Variants in P4HA3 observed in about 807,000 individuals in gnomAD.
P4HA3 encodes prolyl 4-hydroxylase subunit alpha-3.
P4HA3 carries 60 observed loss-of-function variants against 66.7 expected under a neutral mutation model. That is an observed-to-expected ratio of 0.90 (90% CI 0.73 to 1.12). The LOEUF is 1.12. Among genes scored for constraint, P4HA3 ranks in the 50% most tolerant of loss-of-function variants. The pLI, the probability that P4HA3 is intolerant of heterozygous loss-of-function variation, is 0.00. For missense variants in P4HA3, 683 were observed against 685.8 expected (o/e 1.00, Z 0.05); for synonymous variants, 263 against 274.6 (o/e 0.96, Z 0.42).
chr11:74,283,840 C>T (rs748217569), intron 7 of P4HA3, among the ~76,000 whole-genome samples: 1 of 152,260 alleles, frequency 6.6e-6, no homozygotes, highest in Non-Finnish European at 1.5e-5. Flanking sequence ...CTCTTCTTCA[C>T]CCAATTGCCT....
chr11:74,309,512 A>G (rs1006987039), intron 1 of P4HA3, among the ~76,000 whole-genome samples: 3 of 152,200 alleles, frequency 2.0e-5, no homozygotes, highest in Non-Finnish European at 4.4e-5. Flanking sequence ...AGCTACCCAA[A>G]GAGATTACTG....
intron 15 of P4HA3, among the ~76,000 whole-genome samples, chr11:74,252,103 CTT>C (rs60650207): frequency 2.7e-4 from 32 of 116,990 alleles, no homozygotes; most frequent in South Asian, 8.2e-4. Flanking sequence ...TGGAGCAGGG[CTT>C]TTTTTTTTTT....
intron 2 of P4HA3, among the ~76,000 whole-genome samples, chr11:74,303,231 T>C (rs1861468113): frequency 1.3e-5 from 2 of 151,786 alleles, no homozygotes; most frequent in African/African-American, 4.8e-5. Flanking sequence ...TTGAGATTAT[T>C]GGCATGAGCA....
chr11:74,267,458 G>T, intron 12 of P4HA3, 140 bp from the exon 13 acceptor site: 1 of 1,026,790 alleles, frequency 9.7e-7, no homozygotes, highest in Non-Finnish European at 1.4e-6. Context: ...GCCCAGCCTA[G>T]TCCTGGCCTC....
At chr11:74,309,493 C>T (rs1234868589) in intron 1 of P4HA3, among the ~76,000 whole-genome samples, 3 of 152,176 alleles carry the variant, frequency 2.0e-5, no homozygotes, top group African/African-American at 7.2e-5. Flanking sequence ...CCACTCCCGT[C>T]TCCATCTGAG....
chr11:74,288,133 A>G (rs1296774614), intron 5 of P4HA3, among the ~76,000 whole-genome samples: 2 of 152,242 alleles, frequency 1.3e-5, no homozygotes, highest in Non-Finnish European at 2.9e-5. Flanking sequence ...CTAAAATGTT[A>G]AGCAAATACA....
intron 8 of P4HA3, among the ~76,000 whole-genome samples, chr11:74,278,432 A>G (rs1860474282): frequency 6.6e-6 from 1 of 152,198 alleles, no homozygotes; most frequent in African/African-American, 2.4e-5. Context: ...TGAGCAGGAA[A>G]ATGATTTGGC....
chr11:74,274,779 G>C (rs375060754), intron 9 of P4HA3, among the ~76,000 whole-genome samples: 1 of 152,148 alleles, frequency 6.6e-6, no homozygotes, highest in Non-Finnish European at 1.5e-5. Flanking sequence ...TTTTTCCAAA[G>C]TGTCTGTATA....
chr11:74,270,549 T>G (rs1280649462), intron 10 of P4HA3, among the ~76,000 whole-genome samples: 1 of 152,160 alleles, frequency 6.6e-6, no homozygotes, highest in Admixed American at 6.6e-5. Flanking sequence ...TAGTGATAGT[T>G]GACATTTATT....
Position 74,311,459 on chromosome 11 carries a change from C to T in P4HA3, c.153G>A (p.Leu51=), listed in dbSNP as rs1249794378. Residue 51 remains leucine (L), a synonymous_variant, in exon 1 of 13, where the codon CTG becomes CTA. Coordinates refer to ENST00000331597, the MANE Select transcript of P4HA3 (RefSeq NM_182904.5). ...CCTCCTCCCCGCGCAGGTACCGCCT[C>T]AGCAGCCCCAGCAGCCGGCGCTCGG... The part of the protein sequence containing the change: ...LAPERRLLGL[L]RRYLRGEEAR... The T allele has an allele frequency of 7.8e-6, 12 of 1,536,620 alleles. No individual in the cohort carries two copies. Among genetic ancestry groups the T allele is most frequent in the Non-Finnish European group, 1.0e-5 (12 of 1,148,640 alleles).
At position 74,279,435 on chromosome 11, in the gene P4HA3, C is replaced by T; in HGVS notation, c.1128G>A (p.Val376=). The T allele has an allele frequency of 6.2e-7, 1 of 1,613,892 alleles. No individual in the cohort carries two copies. The highest frequency in any genetic ancestry group is 1.7e-5 in the Admixed American group (1 of 59,986). ...CTTGTAACTGCTTCTCCCCTGATGC[C>T]ACCACTGACCTCTGTAGCTGGTGGG... ...LAEPWLQRSV[V]ASGEKQLQVE... The change falls in exon 8 of 13, where the codon GTG becomes GTA. Residue 376 remains valine (V), a synonymous_variant. Transcript: ENST00000331597.
At chr11:74,273,097 T>C (rs1331812126) in intron 10 of P4HA3, among the ~76,000 whole-genome samples, 1 of 152,238 alleles carries the variant, frequency 6.6e-6, no homozygotes, top group Non-Finnish European at 1.5e-5. Context: ...TCAGTGTCTC[T>C]GTTCTTCCCT....
chr11:74,254,529 A>G (rs1257163792), intron 15 of P4HA3: 6 of 153,082 alleles, frequency 3.9e-5, no homozygotes, highest in Non-Finnish European at 7.3e-5. Flanking sequence ...AGGAAGGGGC[A>G]GTGTCCTGAA....
chr11:74,252,669 T>C, intron 15 of P4HA3: 1 of 388,062 alleles, frequency 2.6e-6, no homozygotes, highest in Non-Finnish European at 5.3e-6. Context: ...TTTACCCACC[T>C]GATAACAGTA....
chr11:74,255,714 C>T (rs1280294315), intron 15 of P4HA3, among the ~76,000 whole-genome samples: 1 of 152,202 alleles, frequency 6.6e-6, no homozygotes, highest in African/African-American at 2.4e-5. Context: ...GTCTGTGGGC[C>T]AATAGCATCA....
intron 4 of P4HA3, among the ~76,000 whole-genome samples, chr11:74,290,778 A>G (rs901112249): frequency 6.6e-6 from 1 of 151,974 alleles, no homozygotes; most frequent in Admixed American, 6.6e-5. Context: ...TATTTCTGAG[A>G]GCTCTGTTCT....
At chr11:74,253,316 A>G (rs1859753140) in intron 15 of P4HA3, among the ~76,000 whole-genome samples, 1 of 152,178 alleles carries the variant, frequency 6.6e-6, no homozygotes, top group Non-Finnish European at 1.5e-5. Flanking sequence ...CCTTGGGCAA[A>G]TGAGCAGCAC....
At chr11:74,302,939 C>A (rs549013797) in intron 2 of P4HA3, among the ~76,000 whole-genome samples, 64 of 149,606 alleles carry the variant, frequency 4.3e-4, no homozygotes, top group African/African-American at 1.5e-3. Flanking sequence ...CTTCTCTCCT[C>A]TTTTCTTTCT....
downstream of P4HA3, among the ~76,000 whole-genome samples, chr11:74,265,346 C>T (rs1053181421): frequency 2.6e-5 from 4 of 152,214 alleles, no homozygotes; most frequent in Non-Finnish European, 5.9e-5. Context: ...ACAAGGTGCA[C>T]TTCAGACTCT....
Sources: gnomAD v4.1 joint callset for allele counts (sites outside exome capture counted in the v4.1 genomes callset) on GRCh38, gnomAD v4.1.1 for gene constraint, MANE v1.5 for transcripts, NCBI Gene and HGNC (gene_info 2026-07-23, HGNC 2026-07-21) for gene names.